The following INPP4A variants were observed in gnomAD, a reference collection of about 807,000 sequenced individuals.
The protein encoded by INPP4A is inositol polyphosphate-4-phosphatase, type I, 107kD.
Under a neutral mutation model 119.8 loss-of-function variants are expected in INPP4A, and 33 were observed. The observed-to-expected ratio is 0.28, with a 90% CI of 0.21 to 0.37. The LOEUF is 0.37. INPP4A is among the 10% of genes least tolerant of loss of function. The pLI, the probability that INPP4A is intolerant of heterozygous loss-of-function variation, is 1.00. For missense variants in INPP4A, 956 were observed against 1,289.9 expected (o/e 0.74, Z 3.97); for synonymous variants, 496 against 500.7 (o/e 0.99, Z 0.12).
chr2:98,513,384 G>A (rs1183566933), intron 1 of INPP4A, among the ~76,000 whole-genome samples: 10 of 151,436 alleles, frequency 6.6e-5, no homozygotes. Flanking sequence ...TCTCATACCT[G>A]TTTTATCATT....
intron 10 of INPP4A, 64 bp from the exon 11 acceptor site, chr2:98,543,813 C>T: frequency 6.3e-7 from 1 of 1,594,822 alleles, no homozygotes; most frequent in South Asian, 1.1e-5. Context: ...CTGGGTAGAC[C>T]TCCTGGGCCT....
At chr2:98,534,642 T>C (rs1375675559) in intron 5 of INPP4A, among the ~76,000 whole-genome samples, 2 of 152,098 alleles carry the variant, frequency 1.3e-5, no homozygotes, top group East Asian at 1.9e-4. Context: ...TCCTGGTCAG[T>C]GTGTGAAAGG....
chr2:98,475,176 A>G (rs935594467), intron 1 of INPP4A, among the ~76,000 whole-genome samples: 9 of 152,116 alleles, frequency 5.9e-5, no homozygotes, highest in African/African-American at 1.7e-4. Flanking sequence ...ACAGCTGAGC[A>G]AAGGCATAGA....
At chr2:98,571,717 C>T (rs1043697779) in intron 22 of INPP4A, among the ~76,000 whole-genome samples, 3 of 152,226 alleles carry the variant, frequency 2.0e-5, no homozygotes, top group Admixed American at 2.0e-4. Context: ...CAGCTGAATA[C>T]CCCCAAACTT....
At position 98,566,134 on chromosome 2, in the gene INPP4A, C is replaced by T. The variant is rs550000708; in HGVS notation, c.2385C>T (p.Asn795=). ...TGCGAGTGCAGCCCGTCCTCTTCAACGTGGGCATCAATGAGCAGCAGACAC... is the reference window on the plus strand; with the variant it reads ...TGCGAGTGCAGCCCGTCCTCTTCAATGTGGGCATCAATGAGCAGCAGACAC... ...MLLRVQPVLF[N]VGINEQQTLA... is the part of the protein sequence containing the mutation. Residue 795 remains asparagine, a synonymous_variant, in exon 21 of 25, where the codon AAC becomes AAT. Coordinates refer to ENST00000409851, the MANE Select transcript of INPP4A (RefSeq NM_001134225.2). The surrounding 1 kb of genome is among the most constrained non-coding windows in gnomAD (Gnocchi z 4.2). The T allele has an allele frequency of 1.4e-5, 23 of 1,598,268 alleles. No homozygotes were observed. The highest frequency in any genetic ancestry group is 4.5e-5 in the East Asian group (2 of 44,214).
intron 1 of INPP4A, among the ~76,000 whole-genome samples, chr2:98,457,491 GATCAGTGTTTCAT>G (rs1437769372): frequency 6.6e-6 from 1 of 152,212 alleles, no homozygotes; most frequent in Non-Finnish European, 1.5e-5. Context: ...CCCAGGATTT[GATCAGTGTTTCAT>G]ATCATAGGTT....
intron 13 of INPP4A, among the ~76,000 whole-genome samples, chr2:98,548,658 A>G (rs1346694698): frequency 6.6e-6 from 1 of 152,124 alleles, no homozygotes; most frequent in Non-Finnish European, 1.5e-5. Flanking sequence ...TTAATTTCTC[A>G]CTAATGCCAT....
chr2:98,465,524 C>T (rs1177234272), intron 1 of INPP4A, among the ~76,000 whole-genome samples: 1 of 152,138 alleles, frequency 6.6e-6, no homozygotes, highest in African/African-American at 2.4e-5. Flanking sequence ...GAACGTGAAC[C>T]TCTTTTGCAG....
intron 22 of INPP4A, chr2:98,568,995 C>A: frequency 4.6e-6 from 1 of 218,636 alleles, no homozygotes; most frequent in Non-Finnish European, 9.2e-6. Flanking sequence ...GAGGCAGGAC[C>A]CACCCTCGGC....
At chr2:98,478,745 A>G (rs1677782134) in intron 1 of INPP4A, among the ~76,000 whole-genome samples, 1 of 152,158 alleles carries the variant, frequency 6.6e-6, no homozygotes, top group Non-Finnish European at 1.5e-5. Context: ...AGAAGGTTGC[A>G]GGTATGTGTC....
At chr2:98,519,125 T>C (rs1686695626) in intron 2 of INPP4A, 100 bp downstream of exon 2, 1 of 152,258 alleles carries the variant, frequency 6.6e-6, no homozygotes, top group Non-Finnish European at 1.5e-5. Flanking sequence ...TCTGGAAATA[T>C]GAAGACCTCT....
At chr2:98,564,607 G>T in intron 18 of INPP4A, 33 bp from the exon 19 acceptor site, 1 of 1,611,836 alleles carries the variant, frequency 6.2e-7, no homozygotes. Context: ...GCAGGCACCT[G>T]ACCCTGAACC....
chr2:98,474,854 A>G (rs1220870828), intron 1 of INPP4A, among the ~76,000 whole-genome samples: 5 of 152,168 alleles, frequency 3.3e-5, no homozygotes, highest in Admixed American at 3.3e-4. Flanking sequence ...TACAAAAGTT[A>G]TTTTTAATTA....
chr2:98,466,452 G>A (rs1674803167), intron 1 of INPP4A, among the ~76,000 whole-genome samples: 1 of 152,252 alleles, frequency 6.6e-6, no homozygotes, highest in Non-Finnish European at 1.5e-5. Context: ...ATGAGTCACC[G>A]GCATTTTTGG....
chr2:98,520,261 T>G, intron 3 of INPP4A, 107 bp downstream of exon 3: 1 of 840,276 alleles, frequency 1.2e-6, no homozygotes, highest in Non-Finnish European at 1.9e-6. Flanking sequence ...ATGACTACCC[T>G]AGACTACAGG....
rs550150062 is a variant in INPP4A at position 98,578,975 on chromosome 2, A to G, written c.2786+1832A>G. Among the ~76,000 whole-genome samples, 111 of 152,244 alleles carry G rather than the reference A, an allele frequency of 7.3e-4. 1 individual carries two copies. Among genetic ancestry groups the G allele is most frequent in the Non-Finnish European group, 1.0e-3 (71 of 68,044 alleles). On this transcript the variant is annotated intron_variant, in intron 24 of 24. Coordinates refer to ENST00000409851, the MANE Select transcript of INPP4A (RefSeq NM_001134225.2). ...CAGAACAAAAACACCCACATGCACA[A>G]ACAAGTGTAATTATATTTGCAAATA...
intron 7 of INPP4A, among the ~76,000 whole-genome samples, chr2:98,537,642 C>T (rs972270948): frequency 9.2e-5 from 14 of 152,180 alleles, no homozygotes; most frequent in African/African-American, 9.7e-5. Flanking sequence ...CCCTGTGGTG[C>T]GTGTCCGTTC....
intron 1 of INPP4A, among the ~76,000 whole-genome samples, chr2:98,463,761 A>G (rs981356669): frequency 6.6e-6 from 1 of 152,238 alleles, no homozygotes; most frequent in Non-Finnish European, 1.5e-5. Context: ...GATTTAGGGC[A>G]GACCAGAGCC....
At chr2:98,481,589 T>C (rs1678480789) in intron 1 of INPP4A, among the ~76,000 whole-genome samples, 1 of 152,210 alleles carries the variant, frequency 6.6e-6, no homozygotes, top group Non-Finnish European at 1.5e-5. Flanking sequence ...CTATATAAAA[T>C]GATTATATCA....
Sources: gnomAD v4.1 joint callset for allele counts (sites outside exome capture counted in the v4.1 genomes callset) on GRCh38, gnomAD v4.1.1 for gene constraint, Gnocchi (gnomAD v3.1) non-coding constraint, MANE v1.5 for transcripts, NCBI Gene and HGNC (gene_info 2026-07-23, HGNC 2026-07-21) for gene names.